Variants in STS observed in about 807,000 individuals in gnomAD.
The protein encoded by STS is steroid sulfatase, also known as steryl-sulfatase.
A neutral mutation model predicts 26.8 loss-of-function variants in STS; 7 were observed. That is an observed-to-expected ratio of 0.26 (90% CI 0.15 to 0.49). STS has a LOEUF of 0.49. Among genes scored for constraint, STS ranks in the 20% least tolerant of loss-of-function variants. The probability of loss-of-function intolerance (pLI) is 0.98; values close to 1 mark genes in which losing one functional copy is unlikely to be tolerated. For missense variants in STS, 434 were observed against 465.6 expected (o/e 0.93, Z 0.63); for synonymous variants, 199 against 189.4 (o/e 1.05, Z -0.42).
intron 2 of STS, among the ~76,000 whole-genome samples, chrX:7,244,549 G>T (rs980413177): frequency 9.0e-6 from 1 of 111,696 alleles, no homozygotes; most frequent in African/African-American, 3.3e-5. Flanking sequence ...CAGATGATAG[G>T]GCGGGTAACA....
intron 8 of STS, among the ~76,000 whole-genome samples, chrX:7,321,701 T>C (rs1015986116): frequency 8.9e-6 from 1 of 112,506 alleles, no homozygotes; most frequent in Non-Finnish European, 1.9e-5. Context: ...ATTGGCTTCG[T>C]TCTCACTTAA....
rs1418192984 is a variant in STS, at chrX:7,241,773, C to T, written c.-4-11423C>T. On this transcript the variant is annotated intron_variant, in intron 2 of 10. Transcript: ENST00000674429. ...GGTCAAAAATCTGGGCACAGCTTAGCTGGATCCTCCTTAGCTTCTACGTCT... is the reference window on the plus strand; with the variant it reads ...GGTCAAAAATCTGGGCACAGCTTAGTTGGATCCTCCTTAGCTTCTACGTCT... 2.7e-5 allele frequency among the ~76,000 whole-genome samples: 3 copies of T among 112,113 alleles called. No individual in the cohort carries two copies. The East Asian group carries it at 8.4e-4, about 31-fold the overall frequency.
intron 10 of STS, among the ~76,000 whole-genome samples, chrX:7,339,416 C>G (rs1252955077): frequency 8.9e-6 from 1 of 112,621 alleles, no homozygotes; most frequent in African/African-American, 3.2e-5. Flanking sequence ...TAAGAAAAAG[C>G]ACATATATGT....
At chrX:7,321,814 C>T (rs1465117568) in intron 8 of STS, among the ~76,000 whole-genome samples, 1 of 112,115 alleles carries the variant, frequency 8.9e-6, no homozygotes, top group East Asian at 2.8e-4. Context: ...TTCCTGACGG[C>T]TACTTCAGTG....
rs1167733814 is a variant in STS, at chrX:7,351,314, G to A, written c.*1053G>A. ...GCATAATTTCCTTTAGTTCTAGTTAGTCATCAGAGAACAGTCATGTATGCA... is the reference window on the plus strand; with the variant it reads ...GCATAATTTCCTTTAGTTCTAGTTAATCATCAGAGAACAGTCATGTATGCA... On this transcript the variant is annotated 3_prime_UTR_variant, in exon 11 of 11. Transcript: ENST00000674429. The A allele has an allele frequency of 8.9e-6, 1 of 112,059 alleles. No homozygotes were observed. The allele number at this position is 112,059 out of a possible 1,213,427, so 9.2% of individuals were successfully genotyped here. A position where few individuals can be genotyped will look rare whatever the true frequency, so the allele number is the denominator to read the frequency against.
chrX:7,327,106 G>C (rs1197356542), intron 9 of STS, among the ~76,000 whole-genome samples: 1 of 111,774 alleles, frequency 8.9e-6, no homozygotes, highest in Admixed American at 9.5e-5. Context: ...AGGCACCAAA[G>C]TACTCCAAGC....
rs1923233647 is a variant in STS at position 7,253,277 on chromosome X, G to C, written c.78G>C (p.Leu26=). The part of the protein sequence containing the change: ...SHAASRPNII[L]VMADDLGIGD... ...CAGCATCAAGGCCGAACATCATCCT[G>C]GTGATGGCTGACGACCTCGGCATTG... Residue 26 remains leucine, a synonymous_variant, in exon 3 of 11, where the codon CTG becomes CTC. Transcript: ENST00000674429. 8.3e-7 allele frequency: 1 copy of C among 1,211,643 alleles called. No homozygotes were observed. Among genetic ancestry groups the C allele is most frequent in the Non-Finnish European group, 1.1e-6 (1 of 895,373 alleles).
At chrX:7,292,525 A>G (rs1925471353) in intron 7 of STS, among the ~76,000 whole-genome samples, 2 of 112,093 alleles carry the variant, frequency 1.8e-5, no homozygotes, top group Admixed American at 9.5e-5. Flanking sequence ...CGAACTACAC[A>G]TAATATGTAG....
chrX:7,249,197 C>T (rs1189209444), intron 2 of STS, among the ~76,000 whole-genome samples: 1 of 110,800 alleles, frequency 9.0e-6, no homozygotes, highest in Non-Finnish European at 1.9e-5. Flanking sequence ...GTCCATCAAT[C>T]ACTCAACAGG....
At chrX:7,300,601 CTG>C (rs1406514425) in intron 7 of STS, among the ~76,000 whole-genome samples, 2 of 111,502 alleles carry the variant, frequency 1.8e-5, no homozygotes, top group Non-Finnish European at 1.9e-5. Flanking sequence ...GGGATCCAGA[CTG>C]TATCTTTTGG....
At chrX:7,283,809 A>G (rs1329627523) in intron 7 of STS, among the ~76,000 whole-genome samples, 1 of 111,127 alleles carries the variant, frequency 9.0e-6, no homozygotes, top group African/African-American at 3.3e-5. Context: ...GTGATGATGA[A>G]CTGGAGATTC....
In STS at chrX:7,191,579, A is replaced by G. The variant is rs1172295020; in HGVS notation, c.-5+571A>G. On this transcript the variant is annotated intron_variant, in intron 2 of 10. Coordinates refer to ENST00000674429, the MANE Select transcript of STS (RefSeq NM_001320752.2). ...CATACCCAGGTCTCTCCCTGCAGGA[A>G]GAGCTCCTTTCCCTGGTGGAGTTGA... Among the ~76,000 whole-genome samples, 4 of 111,708 alleles carry G rather than the reference A, an allele frequency of 3.6e-5. No homozygotes were observed. The East Asian group carries it at 1.1e-3, about 32-fold the overall frequency.
chrX:7,255,701 A>T (rs1403598031), intron 3 of STS, among the ~76,000 whole-genome samples: 2 of 112,275 alleles, frequency 1.8e-5, no homozygotes, highest in Non-Finnish European at 3.8e-5. Flanking sequence ...CACTATAGAC[A>T]CTAGGAAGAT....
intron 7 of STS, among the ~76,000 whole-genome samples, chrX:7,280,902 C>T (rs1924824885): frequency 8.9e-6 from 1 of 112,733 alleles, no homozygotes; most frequent in Non-Finnish European, 1.9e-5. Context: ...ATCAAAGCTT[C>T]CTGGCCAGGT....
At chrX:7,235,530 T>C (rs1245322261) in intron 2 of STS, among the ~76,000 whole-genome samples, 3 of 111,858 alleles carry the variant, frequency 2.7e-5, no homozygotes, top group African/African-American at 9.8e-5. Flanking sequence ...CTCAGCACTT[T>C]GAGGGGCTAA....
chrX:7,219,355 G>A (rs760455173), intron 2 of STS: 15 of 938,191 alleles, frequency 1.6e-5, no homozygotes, highest in South Asian at 1.3e-4. Flanking sequence ...GGGAGAAGTT[G>A]CCCCTTCTGA....
chrX:7,332,831 A>C (rs1216739932), intron 9 of STS, among the ~76,000 whole-genome samples: 1 of 112,082 alleles, frequency 8.9e-6, no homozygotes, highest in Non-Finnish European at 1.9e-5. Flanking sequence ...CGTGGTTCAC[A>C]GGAACCTTGG....
At chrX:7,158,428 G>T (rs151148513) in intron 1 of STS, among the ~76,000 whole-genome samples, 1 of 112,287 alleles carries the variant, frequency 8.9e-6, no homozygotes, top group Non-Finnish European at 1.9e-5. Flanking sequence ...AACATCGCCC[G>T]CATCTCAGGA....
intron 9 of STS, 37 bp from the exon 10 acceptor site, chrX:7,333,949 T>G (rs1421870991): frequency 8.3e-7 from 1 of 1,210,850 alleles, no homozygotes; most frequent in South Asian, 1.8e-5. Context: ...AACACAGGAC[T>G]GATTCACGTC....
Sources: allele counts gnomAD v4.1 joint callset (sites outside exome capture counted in the v4.1 genomes callset), GRCh38; gene constraint gnomAD v4.1.1; transcripts MANE v1.5; gene names NCBI Gene and HGNC (gene_info 2026-07-23, HGNC 2026-07-21).